Variants in WHR1 observed in about 807,000 individuals in gnomAD.
WHR1 encodes winged helix repair factor 1.
chr6:31,972,947 G>A, the WHR1 span: 3 of 1,014,608 alleles, frequency 3.0e-6, no homozygotes, highest in African/African-American at 4.8e-5. This position sits in a 1 kb window ranked among gnomAD's most constrained non-coding sequence, Gnocchi z 6.3. Flanking sequence ...AAATCATGGA[G>A]GTAGAAGAAC....
the WHR1 span, among the ~76,000 whole-genome samples, chr6:31,974,562 CTG>C: frequency 3.3e-5 from 5 of 152,110 alleles, no homozygotes; most frequent in African/African-American, 1.2e-4. Context: ...TACTAAATAA[CTG>C]AGATCCCATC....
the WHR1 span, chr6:31,980,182 A>C: frequency 2.1e-6 from 1 of 470,894 alleles, no homozygotes. Context: ...TGGTCAGGGA[A>C]GAGAAGCTAT....
At chr6:31,971,618 T>C in the WHR1 span, 1 of 1,612,834 alleles carries the variant, frequency 6.2e-7, no homozygotes. The surrounding 1 kb of genome is among the most constrained non-coding windows in gnomAD (Gnocchi z 4.5). Context: ...GGTAGTTTGT[T>C]CCGAGGCTCA....
the WHR1 span, chr6:31,979,267 G>A: frequency 8.4e-6 from 8 of 955,578 alleles, no homozygotes; most frequent in African/African-American, 1.7e-5. Flanking sequence ...AGGGGGAGGA[G>A]GATGAAGAGG....
At chr6:31,972,413 T>C in the WHR1 span, 1 of 1,613,018 alleles carries the variant, frequency 6.2e-7, no homozygotes, top group African/African-American at 1.3e-5. The surrounding 1 kb of genome is among the most constrained non-coding windows in gnomAD (Gnocchi z 6.3). Flanking sequence ...TCCCGGGATA[T>C]GAGCTGGAAG....
chr6:31,976,304 G>A, the WHR1 span, among the ~76,000 whole-genome samples: 424 of 151,324 alleles, frequency 2.8e-3, 11 homozygotes, highest in East Asian at 0.051. Context: ...GCTGCCGGGC[G>A]GAGATGCTCC....
the WHR1 span, among the ~76,000 whole-genome samples, chr6:31,978,133 C>T: frequency 1.3e-5 from 2 of 152,168 alleles, no homozygotes; most frequent in Non-Finnish European, 2.9e-5. Context: ...CCTGTGAGCT[C>T]TTTAGTGTCT....
chr6:31,971,887 G>C, the WHR1 span: 11 of 1,488,652 alleles, frequency 7.4e-6, no homozygotes, highest in African/African-American at 1.4e-4. The surrounding 1 kb of genome is among the most constrained non-coding windows in gnomAD (Gnocchi z 4.5). Context: ...AATGCAGTGA[G>C]GTTAGGAAGG....
chr6:31,980,772 C>T, the WHR1 span: 733 of 1,595,234 alleles, frequency 4.6e-4, 5 homozygotes, highest in Non-Finnish European at 5.8e-4. Flanking sequence ...ACCATGTGCA[C>T]GACCTCATTG....
the WHR1 span, chr6:31,980,912 T>G: frequency 3.3e-5 from 31 of 945,674 alleles, no homozygotes; most frequent in Non-Finnish European, 4.4e-5. Context: ...CATTCTTCTC[T>G]GGAACCCGGG....
At chr6:31,972,192 G>A in the WHR1 span, 13 of 1,611,818 alleles carry the variant, frequency 8.1e-6, no homozygotes, top group Non-Finnish European at 1.1e-5. This position sits in a 1 kb window ranked among gnomAD's most constrained non-coding sequence, Gnocchi z 6.3. Flanking sequence ...CCGGCGTGGG[G>A]CCCGGCCTGG....
chr6:31,978,799 C>G, the WHR1 span: 1 of 971,086 alleles, frequency 1.0e-6, no homozygotes, highest in Non-Finnish European at 1.5e-6. Flanking sequence ...AGAGAAAATG[C>G]CCCCATATTG....
chr6:31,976,492 C>G, the WHR1 span, among the ~76,000 whole-genome samples: 2 of 151,420 alleles, frequency 1.3e-5, no homozygotes, highest in Non-Finnish European at 2.9e-5. Context: ...GATGAGCGGC[C>G]GGGCAGAGAC....
At chr6:31,972,297 T>A in the WHR1 span, 2 of 1,612,956 alleles carry the variant, frequency 1.2e-6, no homozygotes, top group African/African-American at 1.3e-5. This position sits in a 1 kb window ranked among gnomAD's most constrained non-coding sequence, Gnocchi z 6.3. Flanking sequence ...CATCACCTGG[T>A]CTAGGAGGGA....
chr6:31,974,463 C>T, the WHR1 span, among the ~76,000 whole-genome samples: 1 of 151,990 alleles, frequency 6.6e-6, no homozygotes, highest in Non-Finnish European at 1.5e-5. Flanking sequence ...CATGCCTGTA[C>T]TCCCACCACT....
the WHR1 span, among the ~76,000 whole-genome samples, chr6:31,976,445 G>GGGGC: frequency 1.3e-5 from 2 of 151,842 alleles, no homozygotes; most frequent in African/African-American, 4.8e-5. Context: ...CATCCCAGAC[G>GGGGC]GGGCGGCGGG....
chr6:31,975,458 C>T, the WHR1 span, among the ~76,000 whole-genome samples: 1 of 152,002 alleles, frequency 6.6e-6, no homozygotes, highest in African/African-American at 2.4e-5. Flanking sequence ...TCCTCGGCCT[C>T]CCAAAGTGCT....
At chr6:31,973,607 G>A in the WHR1 span, among the ~76,000 whole-genome samples, 2 of 152,158 alleles carry the variant, frequency 1.3e-5, no homozygotes, top group Non-Finnish European at 2.9e-5. Flanking sequence ...TACATAGGGT[G>A]TATGTATAGT....
the WHR1 span, among the ~76,000 whole-genome samples, chr6:31,975,174 C>A: frequency 6.6e-6 from 1 of 150,760 alleles, no homozygotes; most frequent in African/African-American, 2.4e-5. Flanking sequence ...GAGGTGACTG[C>A]TGTGGTCATT....
Sources: gnomAD v4.1 joint callset for allele counts (sites outside exome capture counted in the v4.1 genomes callset) on GRCh38, gnomAD v4.1.1 for gene constraint, Gnocchi (gnomAD v3.1) non-coding constraint, MANE v1.5 for transcripts, NCBI Gene and HGNC (gene_info 2026-07-23, HGNC 2026-07-21) for gene names.